The following PCSK2 variants were observed in gnomAD, a reference collection of about 807,000 sequenced individuals.
PCSK2 encodes the protein neuroendocrine convertase 2.
In PCSK2, 14 loss-of-function variants were observed where a neutral mutation model predicts 69.7. The observed-to-expected ratio is 0.20, with a 90% CI of 0.13 to 0.31. The LOEUF (loss-of-function observed/expected upper bound fraction) is 0.31, where lower values mean the gene tolerates loss of function less well. Among genes scored for constraint, PCSK2 ranks in the 10% least tolerant of loss-of-function variants. The pLI is 1.00. For missense variants in PCSK2, 544 were observed against 842.5 expected (o/e 0.65, Z 4.39); for synonymous variants, 307 against 320.7 (o/e 0.96, Z 0.46).
chr20:17,422,430 A>G (rs1314723503), intron 6 of PCSK2, among the ~76,000 whole-genome samples: 2 of 152,238 alleles, frequency 1.3e-5, no homozygotes, highest in Non-Finnish European at 2.9e-5. Context: ...CTAAATAAAT[A>G]GAGTGGCATA....
intron 7 of PCSK2, among the ~76,000 whole-genome samples, chr20:17,436,368 A>G (rs890609): frequency 0.65 from 98,136 of 152,066 alleles, 31,928 homozygotes; most frequent in South Asian, 0.73. Flanking sequence ...GGCTGCAGCC[A>G]ACACCCAGTT....
chr20:17,303,514 ATAATATAATATATATTATATT>A (rs1989208350), intron 2 of PCSK2, among the ~76,000 whole-genome samples: 1 of 37,944 alleles, frequency 2.6e-5, no homozygotes, highest in South Asian at 5.1e-4. Flanking sequence ...TATATTATAT[ATAATATAATATATATTATATT>A]ATATATAATA....
intron 5 of PCSK2, among the ~76,000 whole-genome samples, chr20:17,372,594 C>A (rs1352045049): frequency 6.6e-6 from 1 of 152,118 alleles, no homozygotes; most frequent in East Asian, 1.9e-4. Flanking sequence ...AATGTGATTT[C>A]TGTGCAAAAC....
rs188689140 is a variant in PCSK2 at position 17,350,697 on chromosome 20, C to T, written c.283-7630C>T. ...CCATGTTTTAACTGTTAGACAATGG[C>T]TTCCAAACCTTTTTTTCCTCAACCG... On this transcript the variant is annotated intron_variant, in intron 2 of 11. Transcript: ENST00000262545. Among the ~76,000 whole-genome samples, 133 of 152,284 alleles carry T rather than the reference C, an allele frequency of 8.7e-4. No homozygotes were observed. The Middle Eastern group carries it at 0.02, about 23-fold the overall frequency.
At chr20:17,316,959 T>A (rs1017773023) in intron 2 of PCSK2, among the ~76,000 whole-genome samples, 5 of 152,190 alleles carry the variant, frequency 3.3e-5, no homozygotes, top group Admixed American at 6.5e-5. Flanking sequence ...GCTAGTATTT[T>A]CTCTCTCAGA....
At chr20:17,273,769 T>C (rs1291276541) in intron 2 of PCSK2, among the ~76,000 whole-genome samples, 1 of 152,198 alleles carries the variant, frequency 6.6e-6, no homozygotes, top group African/African-American at 2.4e-5. Flanking sequence ...AATATACAAA[T>C]GTTTCCTTTT....
At chr20:17,251,198 G>T (rs760958546) in intron 1 of PCSK2, among the ~76,000 whole-genome samples, 5 of 152,130 alleles carry the variant, frequency 3.3e-5, no homozygotes, top group Non-Finnish European at 7.4e-5. Flanking sequence ...AAAGTAGAAA[G>T]TTTTTGGAAA....
intron 1 of PCSK2, 108 bp downstream of exon 1, chr20:17,227,590 T>C: frequency 1.3e-6 from 1 of 789,660 alleles, no homozygotes; most frequent in Non-Finnish European, 2.1e-6. Context: ...TCTCATGCGA[T>C]GCAGATATTC....
At chr20:17,369,477 TACAC>T (rs371884772) in intron 5 of PCSK2, among the ~76,000 whole-genome samples, 200 bp downstream of exon 5, 145 of 151,804 alleles carry the variant, frequency 9.6e-4, no homozygotes, top group Non-Finnish European at 1.7e-3. Context: ...AACAGGAACA[TACAC>T]ACACATGCAT....
At chr20:17,267,566 T>A (rs1987668251) in intron 2 of PCSK2, among the ~76,000 whole-genome samples, 1 of 152,194 alleles carries the variant, frequency 6.6e-6, no homozygotes, top group African/African-American at 2.4e-5. Context: ...TATAATTAAC[T>A]ATTTGTGGGG....
chr20:17,335,598 G>C (rs2424076), intron 2 of PCSK2, among the ~76,000 whole-genome samples: 1 of 151,800 alleles, frequency 6.6e-6, no homozygotes, highest in Non-Finnish European at 1.5e-5. Context: ...CCCATCACCC[G>C]AGCATTGTAC....
chr20:17,481,138 T>C (rs2033391764), intron 11 of PCSK2, among the ~76,000 whole-genome samples: 1 of 151,958 alleles, frequency 6.6e-6, no homozygotes, highest in South Asian at 2.1e-4. Context: ...CCCAGCACTT[T>C]GGGAGGCCAA....
At chr20:17,355,670 CACACAG>C (rs1474195576) in intron 2 of PCSK2, among the ~76,000 whole-genome samples, 1 of 151,198 alleles carries the variant, frequency 6.6e-6, no homozygotes, top group Admixed American at 6.6e-5. Flanking sequence ...CACACACACA[CACACAG>C]AGAGAGAGCT....
chr20:17,365,430 T>C (rs2030557269), intron 4 of PCSK2, among the ~76,000 whole-genome samples: 1 of 152,082 alleles, frequency 6.6e-6, no homozygotes, highest in Admixed American at 6.6e-5. Flanking sequence ...AATCTCAGCA[T>C]TTCACCCTGC....
intron 10 of PCSK2, chr20:17,464,229 T>TA (rs1430380875): frequency 6.6e-6 from 1 of 152,128 alleles, no homozygotes; most frequent in Non-Finnish European, 1.5e-5. Flanking sequence ...TCAATGCCCC[T>TA]AGGAGAAAAT....
chr20:17,397,488 T>A (rs1399541675), intron 5 of PCSK2, among the ~76,000 whole-genome samples: 6 of 139,384 alleles, frequency 4.3e-5, no homozygotes, highest in African/African-American at 1.6e-4. Context: ...TTCAATATAT[T>A]TTTTTTTTTG....
chr20:17,244,179 G>A (rs979522073), intron 1 of PCSK2, among the ~76,000 whole-genome samples: 2 of 152,116 alleles, frequency 1.3e-5, no homozygotes, highest in Admixed American at 6.5e-5. Context: ...GCAGTAAAAT[G>A]TTAACAATTG....
intron 5 of PCSK2, among the ~76,000 whole-genome samples, chr20:17,382,346 G>A (rs1204027714): frequency 6.6e-6 from 1 of 152,184 alleles, no homozygotes; most frequent in African/African-American, 2.4e-5. Flanking sequence ...TTACCCACCT[G>A]TCATAGACGG....
chr20:17,279,720 G>A (rs957160759), intron 2 of PCSK2, among the ~76,000 whole-genome samples: 1 of 151,124 alleles, frequency 6.6e-6, no homozygotes, highest in Admixed American at 6.6e-5. Context: ...CCGGGAGGCA[G>A]TGGTTGCTGT....
Sources: allele counts gnomAD v4.1 joint callset (sites outside exome capture counted in the v4.1 genomes callset), GRCh38; gene constraint gnomAD v4.1.1; transcripts MANE v1.5; gene names NCBI Gene and HGNC (gene_info 2026-07-23, HGNC 2026-07-21).